Variants in TRAPPC9 observed in about 807,000 individuals in gnomAD.
TRAPPC9 encodes trafficking protein particle complex subunit 9, also known as IKK2 binding protein.
In TRAPPC9, 83 loss-of-function variants were observed where a neutral mutation model predicts 124.0. That is an observed-to-expected ratio of 0.67 (90% CI 0.56 to 0.80). The LOEUF (loss-of-function observed/expected upper bound fraction) is 0.80. Among genes scored for constraint, TRAPPC9 ranks in the 30% least tolerant of loss-of-function variants. The pLI is 0.00. For missense variants in TRAPPC9, 1,302 were observed against 1,508.3 expected, an observed-to-expected ratio of 0.86 and a Z score of 2.27; for synonymous variants, 638 against 617.5, an observed-to-expected ratio of 1.03 and a Z score of -0.49.
At chr8:139,844,513 C>A (rs28615291) in intron 21 of TRAPPC9, among the ~76,000 whole-genome samples, 1 of 152,104 alleles carries the variant, frequency 6.6e-6, no homozygotes, top group Non-Finnish European at 1.5e-5. Context: ...AGAGTATGCA[C>A]AGCCCTGTGC....
rs1842767951 is a variant in TRAPPC9 at position 140,063,883 on chromosome 8, A to T, written c.2557-39804T>A. Reference sequence around the variant, plus strand: ...TATCACACCCCTAAATGCAAGGCACACGGGTGGCCCTGCCTCCCGAAACAT... The same window carrying T: ...TATCACACCCCTAAATGCAAGGCACTCGGGTGGCCCTGCCTCCCGAAACAT... On this transcript the variant is annotated intron_variant, in intron 17 of 22. Coordinates refer to ENST00000438773, the MANE Select transcript of TRAPPC9 (RefSeq NM_001160372.4). The surrounding 1 kb of genome is among the most constrained non-coding windows in gnomAD (Gnocchi z 4.3). 6.6e-6 allele frequency among the ~76,000 whole-genome samples: 1 copy of T among 152,090 alleles called. No homozygotes were observed. The highest frequency in any genetic ancestry group is 1.5e-5 in the Non-Finnish European group (1 of 68,014).
At chr8:140,339,926 T>G (rs956931313) in intron 9 of TRAPPC9, among the ~76,000 whole-genome samples, 5 of 152,050 alleles carry the variant, frequency 3.3e-5, no homozygotes, top group African/African-American at 9.7e-5. Flanking sequence ...CACTACAACC[T>G]CCACCTCCCA....
chr8:140,026,526 T>C (rs773927925), intron 17 of TRAPPC9, among the ~76,000 whole-genome samples: 1 of 152,242 alleles, frequency 6.6e-6, no homozygotes, highest in Non-Finnish European at 1.5e-5. Flanking sequence ...ATAATGGCCA[T>C]CCTAAGGGAC....
chr8:140,111,901 C>A (rs2060782887), intron 17 of TRAPPC9, among the ~76,000 whole-genome samples: 1 of 152,270 alleles, frequency 6.6e-6, no homozygotes, highest in African/African-American at 2.4e-5. Flanking sequence ...CCTGTATGCG[C>A]CAGCACACTC....
chr8:140,023,822 C>T, intron 18 of TRAPPC9, 115 bp downstream of exon 18: 1 of 1,516,752 alleles, frequency 6.6e-7, no homozygotes, highest in Non-Finnish European at 9.1e-7. Flanking sequence ...AGCAACTTGG[C>T]CCCATGGCAC....
At chr8:140,304,670 C>A (rs147838545) in intron 10 of TRAPPC9, among the ~76,000 whole-genome samples, 1 of 152,210 alleles carries the variant, frequency 6.6e-6, no homozygotes, top group African/African-American at 2.4e-5. Context: ...ATTAACAACA[C>A]GAGCCCGCTC....
At chr8:140,432,951 C>T (rs1039656313) in intron 4 of TRAPPC9, among the ~76,000 whole-genome samples, 3 of 151,924 alleles carry the variant, frequency 2.0e-5, no homozygotes, top group Admixed American at 2.0e-4. Flanking sequence ...TCCCAAAGGA[C>T]TGCCAACTAT....
At chr8:139,971,545 T>C (rs115645985) in intron 19 of TRAPPC9, among the ~76,000 whole-genome samples, 2,128 of 152,176 alleles carry the variant, frequency 0.014, 48 homozygotes, top group African/African-American at 0.049. Flanking sequence ...GGCCTGCCCC[T>C]GCCTTCATAC....
At chr8:139,732,419 T>C (rs534002064) in intron 21 of TRAPPC9, among the ~76,000 whole-genome samples, 1 of 152,318 alleles carries the variant, frequency 6.6e-6, no homozygotes, top group African/African-American at 2.4e-5. Context: ...GCTAGAGCTA[T>C]GACTCAAGGG....
At chr8:139,897,803 C>T (rs1830757272) in intron 20 of TRAPPC9, among the ~76,000 whole-genome samples, 1 of 152,218 alleles carries the variant, frequency 6.6e-6, no homozygotes, top group South Asian at 2.1e-4. Context: ...TCCAGCATAA[C>T]CAGCCTGAAG....
chr8:140,169,954 C>T (rs1309675731), intron 17 of TRAPPC9, among the ~76,000 whole-genome samples: 1 of 152,108 alleles, frequency 6.6e-6, no homozygotes, highest in African/African-American at 2.4e-5. Context: ...CCTAGGGTGA[C>T]CTCAAACTCC....
chr8:139,863,105 C>T (rs936036225), intron 21 of TRAPPC9, among the ~76,000 whole-genome samples: 7 of 152,262 alleles, frequency 4.6e-5, no homozygotes, highest in Admixed American at 1.3e-4. Context: ...GTGTCTTCTC[C>T]GGGAGAAAAC....
chr8:139,980,686 C>A (rs1836834116), intron 19 of TRAPPC9, among the ~76,000 whole-genome samples: 1 of 152,244 alleles, frequency 6.6e-6, no homozygotes, highest in African/African-American at 2.4e-5. Context: ...AGGCCCTGCC[C>A]AGGCACGCGA....
At chr8:140,211,025 T>A (rs184755552) in intron 17 of TRAPPC9, among the ~76,000 whole-genome samples, 15,110 of 151,628 alleles carry the variant, frequency 0.1, 817 homozygotes, top group African/African-American at 0.14. Flanking sequence ...TTTTTTTTTT[T>A]AAAAACTTGA....
At chr8:139,734,689 T>A (rs1219141999) in intron 21 of TRAPPC9, among the ~76,000 whole-genome samples, 2 of 152,188 alleles carry the variant, frequency 1.3e-5, no homozygotes, top group African/African-American at 4.8e-5. Flanking sequence ...GCAGCCAGTG[T>A]GATGAGCATG....
intron 13 of TRAPPC9, among the ~76,000 whole-genome samples, chr8:140,284,596 T>C (rs1021529911): frequency 6.6e-6 from 1 of 152,238 alleles, no homozygotes; most frequent in Non-Finnish European, 1.5e-5. Context: ...CTTGAAATTG[T>C]TTAAGCAAAG....
At chr8:140,076,693 G>A (rs1425700177) in intron 17 of TRAPPC9, among the ~76,000 whole-genome samples, 1 of 152,154 alleles carries the variant, frequency 6.6e-6, no homozygotes, top group Non-Finnish European at 1.5e-5. Context: ...CCCAAGGCTG[G>A]CCTTGGCATC....
chr8:139,887,151 C>T (rs1480848830), intron 20 of TRAPPC9, among the ~76,000 whole-genome samples: 1 of 151,962 alleles, frequency 6.6e-6, no homozygotes, highest in East Asian at 1.9e-4. Flanking sequence ...GCAGGACAGG[C>T]TAAGGTCAGC....
At chr8:139,940,025 C>A (rs116535103) in intron 19 of TRAPPC9, among the ~76,000 whole-genome samples, 1 of 152,184 alleles carries the variant, frequency 6.6e-6, no homozygotes, top group Non-Finnish European at 1.5e-5. Flanking sequence ...TTTGTTGTTT[C>A]TTTTTTCACC....
Sources: gnomAD v4.1 joint callset for allele counts (sites outside exome capture counted in the v4.1 genomes callset) on GRCh38, gnomAD v4.1.1 for gene constraint, Gnocchi (gnomAD v3.1) non-coding constraint, MANE v1.5 for transcripts, NCBI Gene and HGNC (gene_info 2026-07-23, HGNC 2026-07-21) for gene names.